The following IGFBP3 variants were observed in gnomAD, a reference collection of about 807,000 sequenced individuals.
The protein encoded by IGFBP3 is insulin like growth factor binding protein 3.
A neutral mutation model predicts 28.6 loss-of-function variants in IGFBP3; 9 were observed. The observed-to-expected ratio is 0.31, with a 90% CI of 0.19 to 0.55. The LOEUF (loss-of-function observed/expected upper bound fraction) is 0.55. IGFBP3 is among the 20% of genes least tolerant of loss of function. IGFBP3 has a pLI of 0.93. For synonymous variants in IGFBP3, 185 were observed against 188.2 expected, an observed-to-expected ratio of 0.98 and a Z score of 0.14; for missense variants, 382 against 428.9, an observed-to-expected ratio of 0.89 and a Z score of 0.97.
In IGFBP3 at chr7:45,913,465, G is replaced by A. The variant is rs147431117; in HGVS notation, c.*385C>T. On this transcript the variant is annotated 3_prime_UTR_variant, in exon 5 of 5. Coordinates refer to ENST00000613132, the MANE Select transcript of IGFBP3 (RefSeq NM_000598.5). ...TGCGCACTGTACGGGGAGTGGGGGT[G>A]AAGCGTGTTCTCTACATAGGCAACA... is the stretch of plus-strand genomic sequence containing the variant. 1 of 152,358 alleles carries A rather than the reference G, an allele frequency of 6.6e-6. No individual in the cohort carries two copies. The highest frequency in any genetic ancestry group is 2.4e-5 in the African/African-American group (1 of 41,558). The allele number at this position is 152,358 out of a possible 1,614,324, so 9.4% of individuals were successfully genotyped here. A position where few individuals can be genotyped will look rare whatever the true frequency, so the allele number is the denominator to read the frequency against.
Position 45,921,033 on chromosome 7 carries a change from G to C in IGFBP3, c.108C>G (p.Pro36=), listed in dbSNP as rs1025980199. 80 of 1,432,148 alleles carry C rather than the reference G, an allele frequency of 5.6e-5. No homozygotes were observed. Among genetic ancestry groups the C allele is most frequent in the East Asian group, 4.0e-4 (13 of 32,500 alleles). 88.7% of individuals were successfully genotyped at this position (1,432,148 alleles called of 1,614,324 possible). A position where few individuals can be genotyped will look rare whatever the true frequency, so the allele number is the denominator to read the frequency against. ...RAGASSAGLG[P]VVRCEPCDAR... ...CGTCGCACGGCTCGCAGCGCACCAC[G>C]GGACCCAAGCCCGCCGAGCTCGCGC... Residue 36 remains proline (P), a synonymous_variant, in exon 1 of 5, where the codon CCC becomes CCG. Coordinates refer to ENST00000613132, the MANE Select transcript of IGFBP3 (RefSeq NM_000598.5).
intron 1 of IGFBP3, 104 bp from the exon 2 acceptor site, chr7:45,917,543 T>TA: frequency 1.1e-6 from 1 of 908,662 alleles, no homozygotes; most frequent in Non-Finnish European, 1.6e-6. Context: ...ATGACAATAT[T>TA]AGTTGGCAAT....
In IGFBP3 at chr7:45,914,866, G is replaced by A. The variant is rs145188037; in HGVS notation, c.830C>T (p.Thr277Ile). The A allele has an allele frequency of 0.012, 19,885 of 1,614,128 alleles. 149 individuals are homozygous for A. The highest frequency in any genetic ancestry group is 0.014 in the Non-Finnish European group (16,427 of 1,179,996). The change falls in exon 4 of 5, where the codon ACC becomes ATC. Residue 277 changes from threonine to isoleucine, a missense_variant. Transcript: ENST00000613132. Reference protein sequence around the residue: ...KYGQPLPGYTTKGKEDVHCYS... With the variant: ...KYGQPLPGYTIKGKEDVHCYS... ...GCAGTGCACGTCCTCCTTCCCCTTG[G>A]TGGTGTAGCCTGGGAGAGGCTGCCC...
At chr7:45,916,787 T>C in intron 2 of IGFBP3, 120 bp from the exon 3 acceptor site, 1 of 1,072,290 alleles carries the variant, frequency 9.3e-7, no homozygotes, top group Non-Finnish European at 1.4e-6. Flanking sequence ...GCTCCTCAGA[T>C]ACCTTATGTC....
intron 3 of IGFBP3, among the ~76,000 whole-genome samples, chr7:45,915,807 C>T (rs1406266637): frequency 6.6e-6 from 1 of 152,194 alleles, no homozygotes; most frequent in Non-Finnish European, 1.5e-5. Flanking sequence ...TAGGGAAATG[C>T]CAGTGAGTCG....
Position 45,920,799 on chromosome 7 carries a change from G to A in IGFBP3, c.342C>T (p.Cys114=), listed in dbSNP as rs1156489837. Residue 114 remains cysteine (C), a synonymous_variant, in exon 1 of 5, where the codon TGC becomes TGT. Coordinates refer to ENST00000613132, the MANE Select transcript of IGFBP3 (RefSeq NM_000598.5). ...GGCGGCTGACGGCACTAGCGTTGAC[G>A]CAGAGCCCGCGGCCGTCCAGCAGCG... The part of the protein sequence containing the change: ...LQALLDGRGL[C]VNASAVSRLR... The A allele has an allele frequency of 7.1e-7, 1 of 1,414,328 alleles. No individual in the cohort carries two copies. The highest frequency in any genetic ancestry group is 9.1e-7 in the Non-Finnish European group (1 of 1,093,076). 87.6% of individuals were successfully genotyped at this position (1,414,328 alleles called of 1,614,324 possible).
intron 3 of IGFBP3, 73 bp downstream of exon 3, chr7:45,916,475 T>C (rs1011507316): frequency 2.0e-6 from 3 of 1,502,128 alleles, no homozygotes; most frequent in Admixed American, 1.7e-5. Context: ...CAGAAGAGCC[T>C]GGGGGCTGGT....
chr7:45,920,400 G>T (rs546250689), intron 1 of IGFBP3: 10 of 291,348 alleles, frequency 3.4e-5, no homozygotes, highest in African/African-American at 1.7e-4. Context: ...GCACCCCCGT[G>T]CGGGGCGAGG....
At chr7:45,916,826 G>A (rs576449492) in intron 2 of IGFBP3, among the ~76,000 whole-genome samples, 159 bp from the exon 3 acceptor site, 40 of 152,292 alleles carry the variant, frequency 2.6e-4, no homozygotes, top group African/African-American at 9.4e-4. Context: ...CCCCGAATAA[G>A]CTAACCATCA....
At chr7:45,915,055 G>C (rs1334991814) in intron 3 of IGFBP3, 110 bp from the exon 4 acceptor site, 1 of 1,327,010 alleles carries the variant, frequency 7.5e-7, no homozygotes, top group African/African-American at 1.5e-5. Context: ...TGCTGAGAAA[G>C]CACAACAGAA....
Position 45,921,061 on chromosome 7 carries a change from G to A in IGFBP3, c.80C>T (p.Ala27Val). 6.9e-7 allele frequency: 1 copy of A among 1,450,404 alleles called. No individual in the cohort carries two copies. The highest frequency in any genetic ancestry group is 9.0e-7 in the Non-Finnish European group (1 of 1,109,264). The allele number at this position is 1,450,404 out of a possible 1,614,324, so 89.8% of individuals were successfully genotyped here. The change falls in exon 1 of 5, where the codon GCT becomes GTT. Residue 27 changes from alanine (A) to valine (V), a missense_variant. Transcript: ENST00000613132. ...VLLRGPPVAR[A>V]GASSAGLGPV... The stretch of plus-strand genomic sequence containing the variant: ...ACCCAAGCCCGCCGAGCTCGCGCCA[G>A]CCCGCGCCACCGGCGGCCCGCGGAG...
In IGFBP3 at chr7:45,917,220, G is replaced by A. The variant is rs780230937; in HGVS notation, c.623C>T (p.Thr208Ile). 1.2e-6 allele frequency: 2 copies of A among 1,611,276 alleles called. No homozygotes were observed. The highest frequency in any genetic ancestry group is 1.1e-5 in the South Asian group (1 of 91,028). The change falls in exon 2 of 5, where the codon ACA becomes ATA. Residue 208 changes from threonine to isoleucine, a missense_variant. Thr to Ile is a moderately conservative substitution (Grantham distance 89). Coordinates refer to ENST00000613132, the MANE Select transcript of IGFBP3 (RefSeq NM_000598.5). ...AAGAGGAAAAGCTCTCACATATTCTGTCTCCCGCTTGGACTCGGAGGAGAA... is the reference window on the plus strand; with the variant it reads ...AAGAGGAAAAGCTCTCACATATTCTATCTCCCGCTTGGACTCGGAGGAGAA... The part of the protein sequence containing the change: ...QNFSSESKRE[T>I]EYGPCRREME...
chr7:45,916,692 AAC>A, intron 2 of IGFBP3, 25 bp from the exon 3 acceptor site: 1 of 1,597,304 alleles, frequency 6.3e-7, no homozygotes, highest in African/African-American at 1.3e-5. Flanking sequence ...GGACCAGAGC[AAC>A]AGAGTCACAG....
Position 45,920,751 on chromosome 7 carries a change from C to T in IGFBP3, c.390G>A (p.Ala130=). 1.4e-6 allele frequency: 2 copies of T among 1,418,002 alleles called. No homozygotes were observed. Among genetic ancestry groups the T allele is most frequent in the Non-Finnish European group, 9.1e-7 (1 of 1,094,216 alleles). The allele number at this position is 1,418,002 out of a possible 1,614,324, so 87.8% of individuals were successfully genotyped here. A position where few individuals can be genotyped will look rare whatever the true frequency, so the allele number is the denominator to read the frequency against. Residue 130 remains alanine, a synonymous_variant, in exon 1 of 5, where the codon GCG becomes GCA. Coordinates refer to ENST00000613132, the MANE Select transcript of IGFBP3 (RefSeq NM_000598.5). ...CGGGCGGCTCACCTGGAGCTGGCGG[C>T]GCTGGCAGCAGGTAGGCGCGCAGGC... The part of the protein sequence containing the change: ...VSRLRAYLLP[A]PPAPGNASES...
In IGFBP3 at chr7:45,920,724, C is replaced by CGGGCGGCTCACCTGGA. The variant is rs1784674000; in HGVS notation, c.403+13_403+14insTCCAGGTGAGCCGCCC. 1.4e-6 allele frequency: 2 copies of CGGGCGGCTCACCTGGA among 1,388,126 alleles called. No homozygotes were observed. Among genetic ancestry groups the CGGGCGGCTCACCTGGA allele is most frequent in the Admixed American group, 7.1e-5 (2 of 28,076 alleles). 86.0% of individuals were successfully genotyped at this position (1,388,126 alleles called of 1,614,324 possible). A position where few individuals can be genotyped will look rare whatever the true frequency, so the allele number is the denominator to read the frequency against. On this transcript the variant is annotated intron_variant, in intron 1 of 4. Coordinates refer to ENST00000613132, the MANE Select transcript of IGFBP3 (RefSeq NM_000598.5). ...CGGGTGCTGCACGCAGCGCACCTGG[C>CGGGCGGCTCACCTGGA]GCGGGCGGCTCACCTGGAGCTGGCG...
chr7:45,921,067 G>C lies in IGFBP3; in HGVS notation c.74C>G (p.Ala25Gly). The C allele has an allele frequency of 6.9e-7, 1 of 1,451,828 alleles. No individual in the cohort carries two copies. The highest frequency in any genetic ancestry group is 9.0e-7 in the Non-Finnish European group (1 of 1,110,106). 89.9% of individuals were successfully genotyped at this position (1,451,828 alleles called of 1,614,324 possible). The change falls in exon 1 of 5, where the codon GCG (alanine) becomes GGG (glycine). Residue 25 changes from alanine to glycine, a missense_variant. Physicochemically the swap from Ala to Gly is moderately conservative, Grantham distance 60 (BLOSUM62 0). Transcript: ENST00000613132. ...GCCCGCCGAGCTCGCGCCAGCCCGC[G>C]CCACCGGCGGCCCGCGGAGCAGCAC... ...LLVLLRGPPV[A>G]RAGASSAGLG...
At chr7:45,917,052 A>C (rs1784617571) in intron 2 of IGFBP3, 161 bp downstream of exon 2, 1 of 629,762 alleles carries the variant, frequency 1.6e-6, no homozygotes, top group African/African-American at 1.8e-5. Context: ...AATATTCTTT[A>C]TGTAAGGAGA....
chr7:45,913,277 C>G lies in IGFBP3; in HGVS notation c.*573G>C, dbSNP rs1784567677. On this transcript the variant is annotated 3_prime_UTR_variant, in exon 5 of 5. Coordinates refer to ENST00000613132, the MANE Select transcript of IGFBP3 (RefSeq NM_000598.5). ...CCACCTTATTTTCTCCAATAGTCCC[C>G]AAGCAGTACAGGTCACTTGAAGACA... The G allele has an allele frequency of 6.6e-6, 1 of 152,174 alleles. No homozygotes were observed. The highest frequency in any genetic ancestry group is 1.5e-5 in the Non-Finnish European group (1 of 68,048). The allele number at this position is 152,174 out of a possible 1,614,324, so 9.4% of individuals were successfully genotyped here.
intron 3 of IGFBP3, among the ~76,000 whole-genome samples, chr7:45,916,139 G>T (rs1051335822): frequency 6.6e-6 from 1 of 152,182 alleles, no homozygotes; most frequent in Non-Finnish European, 1.5e-5. Context: ...GCTTTTTGTG[G>T]TATGACCTCA....
Sources: gnomAD v4.1 joint callset for allele counts (sites outside exome capture counted in the v4.1 genomes callset) on GRCh38, gnomAD v4.1.1 for gene constraint, MANE v1.5 for transcripts, NCBI Gene and HGNC (gene_info 2026-07-23, HGNC 2026-07-21) for gene names.